STMN2: variants seen among roughly 807,000 people sequenced by gnomAD.
The protein encoded by STMN2 is stathmin-2.
STMN2 carries 2 observed loss-of-function variants against 24.1 expected under a neutral mutation model. The ratio of observed to expected loss-of-function variants is 0.08; its 90% CI spans 0.03 to 0.26. The LOEUF (loss-of-function observed/expected upper bound fraction) is 0.26. Ranked by LOEUF, STMN2 falls within the 10% of genes least tolerant of loss-of-function variation. The pLI is 1.00. For synonymous variants in STMN2, 83 were observed against 77.5 expected, an observed-to-expected ratio of 1.07 and a Z score of -0.37; for missense variants, 114 against 213.6, an observed-to-expected ratio of 0.53 and a Z score of 2.91.
At chr8:79,622,369 G>GAACATCTC (rs1246156336) in intron 1 of STMN2, among the ~76,000 whole-genome samples, 1 of 152,058 alleles carries the variant, frequency 6.6e-6, no homozygotes, top group Non-Finnish European at 1.5e-5. Context: ...AATTTAAAGT[G>GAACATCTC]AACATCTCAA....
chr8:79,621,215 G>A (rs1034553661), intron 1 of STMN2, among the ~76,000 whole-genome samples: 2 of 152,152 alleles, frequency 1.3e-5, no homozygotes, highest in Non-Finnish European at 2.9e-5. Flanking sequence ...CTGTAAAATA[G>A]CCATGTGAAC....
intron 4 of STMN2, among the ~76,000 whole-genome samples, chr8:79,658,588 C>G (rs1563449224): frequency 6.6e-6 from 1 of 152,224 alleles, no homozygotes; most frequent in Non-Finnish European, 1.5e-5. Flanking sequence ...AAGGTCACTA[C>G]ACCATGCGCC....
chr8:79,651,698 C>A (rs1469303633), intron 3 of STMN2, among the ~76,000 whole-genome samples: 1 of 152,206 alleles, frequency 6.6e-6, no homozygotes, highest in African/African-American at 2.4e-5. Context: ...GAAAATGAAA[C>A]ATTAGGCAGT....
At chr8:79,640,788 C>T (rs1810078535) in intron 2 of STMN2, among the ~76,000 whole-genome samples, 1 of 152,210 alleles carries the variant, frequency 6.6e-6, no homozygotes. Context: ...CTTTGCATTT[C>T]AGCATTGACT....
chr8:79,639,146 A>G (rs1159736), intron 2 of STMN2, among the ~76,000 whole-genome samples: 52,666 of 152,082 alleles, frequency 0.35, 9,272 homozygotes, highest in South Asian at 0.41. Context: ...CCAGGCTGCT[A>G]AAAGAACATT....
rs752269750 is a variant in STMN2 at position 79,641,466 on chromosome 8, A to T, written c.204A>T (p.Pro68=). The T allele has an allele frequency of 6.2e-7, 1 of 1,614,106 alleles. No homozygotes were observed. The highest frequency in any genetic ancestry group is 2.2e-5 in the East Asian group (1 of 44,858). The change falls in exon 3 of 5, where the codon CCA becomes CCT. Residue 68 remains proline, a synonymous_variant. Coordinates refer to ENST00000220876, the MANE Select transcript of STMN2 (RefSeq NM_007029.4). ...CACCATCTCCTATCTCAGAAGCCCC[A>T]CGAACTTTAGCTTCTCCAAAGAAGA... ...LKPPSPISEA[P]RTLASPKKKD... is the part of the protein sequence containing the mutation.
intron 1 of STMN2, among the ~76,000 whole-genome samples, chr8:79,630,726 C>G (rs1809778967): frequency 6.6e-6 from 1 of 152,122 alleles, no homozygotes; most frequent in Non-Finnish European, 1.5e-5. Context: ...CAGGAGCATC[C>G]CAGCTTAGAA....
chr8:79,633,984 C>T (rs6473173), intron 1 of STMN2, among the ~76,000 whole-genome samples: 97,315 of 152,074 alleles, frequency 0.64, 31,446 homozygotes, highest in African/African-American at 0.71. Flanking sequence ...ATTCACGTTC[C>T]GATACAGCTT....
intron 4 of STMN2, among the ~76,000 whole-genome samples, chr8:79,662,250 AG>A (rs1317784108): frequency 6.6e-6 from 1 of 152,214 alleles, no homozygotes; most frequent in East Asian, 1.9e-4. Context: ...GATGGGAGGA[AG>A]GGGGTAAATT....
At chr8:79,620,918 A>G in intron 1 of STMN2, 1 of 978,966 alleles carries the variant, frequency 1.0e-6, no homozygotes, top group Non-Finnish European at 1.2e-6. Flanking sequence ...GGTGGTGCTG[A>G]TGAGGCTGAT....
intron 4 of STMN2, among the ~76,000 whole-genome samples, chr8:79,662,382 T>C (rs1806521873): frequency 6.6e-6 from 1 of 151,988 alleles, no homozygotes; most frequent in Non-Finnish European, 1.5e-5. Context: ...CTTCTCTGAG[T>C]ATCACAACTG....
chr8:79,627,969 G>A (rs1809699201), intron 1 of STMN2, among the ~76,000 whole-genome samples: 1 of 152,116 alleles, frequency 6.6e-6, no homozygotes, highest in Admixed American at 6.5e-5. Context: ...TCCATTGTGT[G>A]TATGTAGCAC....
intron 4 of STMN2, among the ~76,000 whole-genome samples, chr8:79,657,217 T>A (rs36016989): frequency 0.15 from 23,188 of 152,138 alleles, 1,897 homozygotes; most frequent in Non-Finnish European, 0.19. Flanking sequence ...AGTTCAAAAA[T>A]TTTCCATATT....
Position 79,641,614 on chromosome 8 carries a change from G to T in STMN2, c.288+64G>T. 15 of 1,060,086 alleles carry T rather than the reference G, an allele frequency of 1.4e-5. 1 individual carries two copies. Among genetic ancestry groups the T allele is most frequent in the South Asian group, 2.9e-5 (2 of 69,718 alleles). The allele number at this position is 1,060,086 out of a possible 1,614,324, so 65.7% of individuals were successfully genotyped here. A position where few individuals can be genotyped will look rare whatever the true frequency, so the allele number is the denominator to read the frequency against. On this transcript the variant is annotated intron_variant, in intron 3 of 4. Transcript: ENST00000220876. ...CCCTGCTCCTCCCTCTCACACACTCGGGCACACATGCACGCACACACACAC... is the reference window on the plus strand; with the variant it reads ...CCCTGCTCCTCCCTCTCACACACTCTGGCACACATGCACGCACACACACAC...
intron 1 of STMN2, among the ~76,000 whole-genome samples, chr8:79,627,732 A>C (rs199517691): frequency 7.4e-6 from 1 of 134,876 alleles, no homozygotes; most frequent in Non-Finnish European, 1.6e-5. Flanking sequence ...GAAATTATTC[A>C]TTCTATCTAA....
chr8:79,652,140 T>C lies in STMN2; in HGVS notation c.289-2731T>C, dbSNP rs115602594. 6.3e-3 allele frequency among the ~76,000 whole-genome samples: 958 copies of C among 152,350 alleles called. 8 individuals are homozygous for C. The highest frequency in any genetic ancestry group is 0.022 in the African/African-American group (910 of 41,580). ...TTAAAGCACGGCACTTAGAGAATGT[T>C]GAAGTTTTACTTTGCTTTATTTTGA... On this transcript the variant is annotated intron_variant, in intron 3 of 4. Coordinates refer to ENST00000220876, the MANE Select transcript of STMN2 (RefSeq NM_007029.4).
chr8:79,642,927 A>G (rs1810134461), intron 3 of STMN2, among the ~76,000 whole-genome samples: 1 of 148,696 alleles, frequency 6.7e-6, no homozygotes, highest in South Asian at 2.1e-4. Flanking sequence ...ATTGGTATAT[A>G]GAGATATCTA....
intron 3 of STMN2, among the ~76,000 whole-genome samples, chr8:79,644,817 T>C (rs544885889): frequency 1.2e-4 from 19 of 152,194 alleles, no homozygotes; most frequent in African/African-American, 4.1e-4. Flanking sequence ...GAATGAAAAA[T>C]ATTAATCTAG....
chr8:79,660,419 C>T (rs1032227250), intron 4 of STMN2, among the ~76,000 whole-genome samples: 1 of 152,166 alleles, frequency 6.6e-6, no homozygotes, highest in African/African-American at 2.4e-5. Context: ...AACTTGACAA[C>T]TGCTTTCCCC....
Sources: allele counts gnomAD v4.1 joint callset (sites outside exome capture counted in the v4.1 genomes callset), GRCh38; gene constraint gnomAD v4.1.1; transcripts MANE v1.5; gene names NCBI Gene and HGNC (gene_info 2026-07-23, HGNC 2026-07-21).